Variants in FRK observed in about 807,000 individuals in gnomAD.
FRK encodes the protein fyn related Src family tyrosine kinase.
A neutral mutation model predicts 56.4 loss-of-function variants in FRK; 51 were observed. The observed-to-expected ratio is 0.90, with a 90% CI of 0.72 to 1.14. The LOEUF (loss-of-function observed/expected upper bound fraction) is 1.14, where lower values mean the gene tolerates loss of function less well. FRK is among the 50% of genes most tolerant of loss of function. The pLI is 0.00. For synonymous variants in FRK, 245 were observed against 217.9 expected (o/e 1.12, Z -1.10); for missense variants, 570 against 601.4 (o/e 0.95, Z 0.55).
chr6:115,946,319 A>T (rs1772450669), intron 5 of FRK, among the ~76,000 whole-genome samples: 1 of 152,174 alleles, frequency 6.6e-6, no homozygotes. Flanking sequence ...AAGCAGCTTA[A>T]CATTCCTATG....
intron 1 of FRK, among the ~76,000 whole-genome samples, chr6:116,018,409 G>T (rs906248123): frequency 1.3e-5 from 2 of 152,158 alleles, no homozygotes; most frequent in Admixed American, 1.3e-4. Context: ...CATAGCAGAT[G>T]GTAGCAACAG....
intron 2 of FRK, among the ~76,000 whole-genome samples, chr6:115,992,727 A>G (rs1774661128): frequency 6.6e-6 from 1 of 151,810 alleles, no homozygotes; most frequent in Admixed American, 6.6e-5. Context: ...GCAATAGCTT[A>G]TGTCATAGCA....
At chr6:116,085,713 G>T in the FRK span, among the ~76,000 whole-genome samples, 31 of 149,372 alleles carry the variant, frequency 2.1e-4, no homozygotes, top group African/African-American at 3.9e-4. Context: ...TGTGTGTGTG[G>T]GTGTGTGTGT....
intron 2 of FRK, among the ~76,000 whole-genome samples, chr6:115,971,871 C>T (rs1773817931): frequency 6.6e-6 from 1 of 152,174 alleles, no homozygotes. Context: ...CTCCACTTTT[C>T]CTTCCCAGCT....
chr6:115,944,897 G>A (rs1379487390), intron 5 of FRK, among the ~76,000 whole-genome samples: 2 of 151,756 alleles, frequency 1.3e-5, no homozygotes, highest in Admixed American at 1.3e-4. Flanking sequence ...CCTCTCATAG[G>A]ACCCAGTATA....
intron 1 of FRK, among the ~76,000 whole-genome samples, chr6:116,019,703 T>C (rs1261505163): frequency 6.6e-6 from 1 of 152,194 alleles, no homozygotes; most frequent in Non-Finnish European, 1.5e-5. Flanking sequence ...AGCCAGTGTG[T>C]TGGCAGATGT....
At chr6:116,013,556 C>G (rs554909871) in intron 1 of FRK, among the ~76,000 whole-genome samples, 2 of 152,152 alleles carry the variant, frequency 1.3e-5, no homozygotes, top group Non-Finnish European at 2.9e-5. Flanking sequence ...TCATTAATTT[C>G]TATCTTTGTC....
At chr6:116,068,124 A>G in the FRK span, among the ~76,000 whole-genome samples, 2 of 152,200 alleles carry the variant, frequency 1.3e-5, no homozygotes, top group African/African-American at 4.8e-5. Flanking sequence ...GGGAAATGAC[A>G]AGAATCCGTT....
At chr6:116,010,885 C>T (rs1775439325) in intron 1 of FRK, among the ~76,000 whole-genome samples, 1 of 152,082 alleles carries the variant, frequency 6.6e-6, no homozygotes, top group African/African-American at 2.4e-5. Flanking sequence ...TGCTGGGACA[C>T]GAGTGAATAT....
intron 5 of FRK, among the ~76,000 whole-genome samples, chr6:115,946,893 A>T (rs2114522684): frequency 6.6e-6 from 1 of 152,276 alleles, no homozygotes; most frequent in African/African-American, 2.4e-5. Context: ...ATAATAAGGG[A>T]GTCCCTGGTG....
chr6:116,002,132 A>G (rs1775086146), intron 2 of FRK, among the ~76,000 whole-genome samples: 1 of 152,200 alleles, frequency 6.6e-6, no homozygotes, highest in Admixed American at 6.5e-5. Context: ...GCTTATAGAA[A>G]AGTTTTTTAT....
At chr6:116,093,650 G>A in the FRK span, among the ~76,000 whole-genome samples, 306 of 152,276 alleles carry the variant, frequency 2.0e-3, no homozygotes, top group Non-Finnish European at 3.2e-3. Flanking sequence ...CAGATCATGG[G>A]GACTGGAGTT....
chr6:116,090,951 A>G, the FRK span, among the ~76,000 whole-genome samples: 1 of 152,190 alleles, frequency 6.6e-6, no homozygotes, highest in South Asian at 2.1e-4. Flanking sequence ...ATTTAATTAA[A>G]TTTCATTTCA....
At chr6:115,951,118 T>C (rs1772731500) in intron 5 of FRK, among the ~76,000 whole-genome samples, 1 of 152,042 alleles carries the variant, frequency 6.6e-6, no homozygotes, top group Admixed American at 6.6e-5. Flanking sequence ...TGTATACCTA[T>C]GTAACAGAAC....
intron 2 of FRK, among the ~76,000 whole-genome samples, chr6:115,986,276 G>A (rs796495476): frequency 2.0e-4 from 30 of 152,142 alleles, no homozygotes; most frequent in African/African-American, 7.0e-4. Context: ...TCTCCGCCAT[G>A]AGAAACCCAT....
chr6:116,085,566 C>T, the FRK span, among the ~76,000 whole-genome samples: 2 of 152,172 alleles, frequency 1.3e-5, no homozygotes, highest in Non-Finnish European at 2.9e-5. Flanking sequence ...TATTTCCATG[C>T]TGTTACGATG....
rs377302511 is a variant in FRK, at chr6:115,967,738, A to G, written c.631-19T>C. The G allele has an allele frequency of 4.2e-4, 619 of 1,476,048 alleles. No homozygotes were observed. Among genetic ancestry groups the G allele is most frequent in the Non-Finnish European group, 5.3e-4 (590 of 1,112,146 alleles). The allele number at this position is 1,476,048 out of a possible 1,614,324, so 91.4% of individuals were successfully genotyped here. A position where few individuals can be genotyped will look rare whatever the true frequency, so the allele number is the denominator to read the frequency against. ...CCTGGATCTGTTTCATAGAATAATA[A>G]GAGCAATTGTTAAAAAAAAAAAAGT... On this transcript the variant is annotated intron_variant, in intron 3 of 7. Coordinates refer to ENST00000606080, the MANE Select transcript of FRK (RefSeq NM_002031.3).
At chr6:116,091,559 C>T in the FRK span, among the ~76,000 whole-genome samples, 1 of 152,208 alleles carries the variant, frequency 6.6e-6, no homozygotes, top group Non-Finnish European at 1.5e-5. Flanking sequence ...CAACTCCAGA[C>T]ACATTTTGGC....
intron 2 of FRK, among the ~76,000 whole-genome samples, chr6:116,001,606 C>T (rs895920200): frequency 1.8e-4 from 28 of 152,188 alleles, no homozygotes; most frequent in African/African-American, 6.5e-4. Context: ...CAGGACTCAA[C>T]TTTGACAAAC....
Sources: gnomAD v4.1 joint callset for allele counts (sites outside exome capture counted in the v4.1 genomes callset) on GRCh38, gnomAD v4.1.1 for gene constraint, MANE v1.5 for transcripts, NCBI Gene and HGNC (gene_info 2026-07-23, HGNC 2026-07-21) for gene names.